Variants in STAG2 observed in about 807,000 individuals in gnomAD.
The protein encoded by STAG2 is STAG2 cohesin complex component, also known as cohesin subunit SA-2.
A neutral mutation model predicts 108.1 loss-of-function variants in STAG2; 14 were observed. The ratio of observed to expected loss-of-function variants is 0.13; its 90% CI spans 0.09 to 0.20. The LOEUF (loss-of-function observed/expected upper bound fraction) is 0.20. Ranked by LOEUF, STAG2 falls within the 10% of genes least tolerant of loss-of-function variation. The pLI is 1.00. For missense variants in STAG2, 440 were observed against 940.9 expected, an observed-to-expected ratio of 0.47 and a Z score of 6.96; for synonymous variants, 307 against 302.7, an observed-to-expected ratio of 1.01 and a Z score of -0.15.
chrX:124,094,574 G>A (rs1334865733), intron 33 of STAG2, among the ~76,000 whole-genome samples: 1 of 111,712 alleles, frequency 9.0e-6, no homozygotes, highest in African/African-American at 3.2e-5. Context: ...AAACTTGGAA[G>A]GAAATTAAAT....
intron 25 of STAG2, among the ~76,000 whole-genome samples, chrX:124,074,868 ATGTC>A (rs1237548989): frequency 5.3e-5 from 6 of 112,154 alleles, no homozygotes; most frequent in Non-Finnish European, 1.1e-4. Flanking sequence ...TAGAGGGAAA[ATGTC>A]TGTATGCGAT....
At chrX:124,090,186 A>T (rs1434985023) in intron 30 of STAG2, among the ~76,000 whole-genome samples, 1 of 100,085 alleles carries the variant, frequency 1.0e-5, no homozygotes, top group African/African-American at 3.6e-5. Flanking sequence ...AAAAAAAAAA[A>T]GGTTTAGTCC....
intron 11 of STAG2, 74 bp from the exon 12 acceptor site, chrX:124,051,047 C>T (rs922401879): frequency 3.8e-5 from 22 of 572,705 alleles, no homozygotes; most frequent in Middle Eastern, 5.7e-4. Context: ...ATATTGTGTA[C>T]ATCTTGAATA....
intron 23 of STAG2, among the ~76,000 whole-genome samples, chrX:124,067,069 A>C (rs1330996233): frequency 9.0e-6 from 1 of 111,590 alleles, no homozygotes; most frequent in Non-Finnish European, 1.9e-5. Context: ...ACAGTTTCTA[A>C]GAGTTCTGGA....
intron 5 of STAG2, among the ~76,000 whole-genome samples, chrX:124,033,198 A>T (rs1229638006): frequency 8.9e-6 from 1 of 112,311 alleles, no homozygotes; most frequent in Admixed American, 9.4e-5. Flanking sequence ...TTTAAAAAAT[A>T]AATAATGTCT....
At chrX:123,968,254 A>G (rs958164682) in intron 1 of STAG2, among the ~76,000 whole-genome samples, 4 of 112,388 alleles carry the variant, frequency 3.6e-5, no homozygotes, top group Non-Finnish European at 7.5e-5. Context: ...TATATGGCAC[A>G]TGACTGTATT....
chrX:124,006,211 A>G (rs1200245491), intron 1 of STAG2, among the ~76,000 whole-genome samples: 1 of 111,294 alleles, frequency 9.0e-6, no homozygotes, highest in Non-Finnish European at 1.9e-5. Flanking sequence ...TATTACAAAC[A>G]AAGGTCCTAT....
At chrX:124,100,454 C>G in intron 34 of STAG2, 120 bp from the exon 35 acceptor site, 1 of 581,026 alleles carries the variant, frequency 1.7e-6, no homozygotes, top group Non-Finnish European at 2.7e-6. Flanking sequence ...GGGAAGTTTT[C>G]AAAGTGGTTT....
intron 20 of STAG2, among the ~76,000 whole-genome samples, chrX:124,064,257 G>A (rs1260293258): frequency 1.8e-5 from 2 of 111,003 alleles, no homozygotes; most frequent in Non-Finnish European, 3.8e-5. Context: ...GAAGGTGAAA[G>A]CAAAACTAAC....
At chrX:124,037,272 C>G (rs1272982480) in intron 5 of STAG2, among the ~76,000 whole-genome samples, 1 of 111,775 alleles carries the variant, frequency 8.9e-6, no homozygotes, top group Non-Finnish European at 1.9e-5. Flanking sequence ...AATTGACTTC[C>G]ATAGTTTCCA....
intron 1 of STAG2, among the ~76,000 whole-genome samples, chrX:123,970,074 A>G (rs889361258): frequency 4.7e-5 from 5 of 105,722 alleles, no homozygotes; most frequent in Non-Finnish European, 7.7e-5. Flanking sequence ...CAAAATATAT[A>G]TATTTGTGCT....
intron 1 of STAG2, among the ~76,000 whole-genome samples, chrX:123,992,916 A>G (rs1398099527): frequency 9.0e-6 from 1 of 111,272 alleles, no homozygotes; most frequent in Non-Finnish European, 1.9e-5. Context: ...GGCTGGAGAA[A>G]CAGAGATGGG....
intron 1 of STAG2, among the ~76,000 whole-genome samples, chrX:123,969,952 G>GTTTTT (rs749744551): frequency 5.1e-5 from 2 of 39,162 alleles, no homozygotes; most frequent in African/African-American, 1.1e-4. Context: ...CGGTCTTCCT[G>GTTTTT]TTTTTTTTTT....
At chrX:123,980,707 A>G (rs1272282617) in intron 1 of STAG2, among the ~76,000 whole-genome samples, 2 of 111,547 alleles carry the variant, frequency 1.8e-5, no homozygotes, top group Admixed American at 1.9e-4. Flanking sequence ...TGAATTCTAC[A>G]AAGTCAAATA....
chrX:123,986,042 A>G (rs1171485851), intron 1 of STAG2, among the ~76,000 whole-genome samples: 1 of 105,421 alleles, frequency 9.5e-6, no homozygotes, highest in Non-Finnish European at 1.9e-5. Flanking sequence ...CTAACCTCAC[A>G]TATATATATA....
At chrX:124,004,369 A>G (rs182865240) in intron 1 of STAG2, among the ~76,000 whole-genome samples, 1 of 111,974 alleles carries the variant, frequency 8.9e-6, no homozygotes, top group African/African-American at 3.2e-5. Flanking sequence ...CTAGCCCAAG[A>G]TAACCAACCA....
intron 17 of STAG2, 140 bp from the exon 18 acceptor site, chrX:124,062,762 G>A (rs1408924765): frequency 2.3e-6 from 1 of 437,625 alleles, no homozygotes; most frequent in East Asian, 4.0e-5. Flanking sequence ...CACTTTTAGG[G>A]TTAATGTTTT....
chrX:123,964,900 C>T (rs1231651274), intron 1 of STAG2, among the ~76,000 whole-genome samples: 1 of 108,475 alleles, frequency 9.2e-6, no homozygotes, highest in Non-Finnish European at 1.9e-5. Context: ...AATGACAATC[C>T]TTGGTCTCCC....
intron 29 of STAG2, among the ~76,000 whole-genome samples, chrX:124,085,773 C>CAAAAA (rs35882500): frequency 7.1e-5 from 3 of 42,137 alleles, no homozygotes; most frequent in Admixed American, 3.2e-4. Flanking sequence ...GACTGTGTCT[C>CAAAAA]AAAAAAAAAA....
Sources: gnomAD v4.1 joint callset for allele counts (sites outside exome capture counted in the v4.1 genomes callset) on GRCh38, gnomAD v4.1.1 for gene constraint, MANE v1.5 for transcripts, NCBI Gene and HGNC (gene_info 2026-07-23, HGNC 2026-07-21) for gene names.